LEMD3: variants seen among roughly 807,000 people sequenced by gnomAD.
LEMD3 encodes inner nuclear membrane protein Man1.
LEMD3 carries 33 observed loss-of-function variants against 95.2 expected under a neutral mutation model. The observed-to-expected ratio is 0.35, with a 90% CI of 0.26 to 0.46. The LOEUF (loss-of-function observed/expected upper bound fraction) is 0.46. Among genes scored for constraint, LEMD3 ranks in the 20% least tolerant of loss-of-function variants. The pLI is 1.00. For synonymous variants in LEMD3, 525 were observed against 474.6 expected (o/e 1.11, Z -1.38); for missense variants, 1,210 against 1,192.8 (o/e 1.01, Z -0.21).
At chr12:65,217,456 C>T (rs889955592) in intron 3 of LEMD3, among the ~76,000 whole-genome samples, 4 of 152,170 alleles carry the variant, frequency 2.6e-5, no homozygotes. Context: ...CTTTTTATAG[C>T]TACTGACATT....
chr12:65,179,625 G>A (rs993907272), intron 1 of LEMD3, among the ~76,000 whole-genome samples: 5 of 152,264 alleles, frequency 3.3e-5, no homozygotes, highest in Admixed American at 6.5e-5. Flanking sequence ...TATTCTAGGG[G>A]TGGGGAGAAT....
intron 4 of LEMD3, among the ~76,000 whole-genome samples, chr12:65,233,475 C>T (rs750524445): frequency 2.8e-4 from 43 of 152,180 alleles, no homozygotes; most frequent in Non-Finnish European, 5.3e-4. Flanking sequence ...GTTATTCTAG[C>T]AGGTGAAAGA....
At chr12:65,206,032 T>A (rs1869753611) in intron 1 of LEMD3, among the ~76,000 whole-genome samples, 1 of 152,174 alleles carries the variant, frequency 6.6e-6, no homozygotes, top group Admixed American at 6.6e-5. Context: ...ATGTCCTGCC[T>A]TGTTCACCCT....
chr12:65,205,165 C>T (rs1362677686), intron 1 of LEMD3, among the ~76,000 whole-genome samples: 1 of 152,142 alleles, frequency 6.6e-6, no homozygotes, highest in Non-Finnish European at 1.5e-5. Flanking sequence ...AACTCACTAT[C>T]ATGAGAACAG....
In LEMD3 at chr12:65,238,804, G is replaced by T. The variant is rs1870849425; in HGVS notation, c.1911G>T (p.Leu637Phe). 1 of 1,614,012 alleles carries T rather than the reference G, an allele frequency of 6.2e-7. No individual in the cohort carries two copies. Among genetic ancestry groups the T allele is most frequent in the South Asian group, 1.1e-5 (1 of 91,072 alleles). Residue 637 changes from leucine to phenylalanine, a missense_variant, in exon 6 of 13, where the codon TTG becomes TTT. By Grantham distance (22) the Leu-to-Phe change is conservative. This residue lies in a region of LEMD3 where 461 missense variants were observed against 569.8 expected (regional missense o/e 0.81). Transcript: ENST00000308330. The part of the protein sequence containing the change: ...AFVTVTHRLL[L>F]LCLGVVMVCV... ...TTACTGTAACTCACAGATTATTGTT[G>T]TTATGCTTAGGTAAGTTGTAAAGAT...
chr12:65,221,939 C>T (rs1395003102), intron 4 of LEMD3, among the ~76,000 whole-genome samples: 1 of 151,424 alleles, frequency 6.6e-6, no homozygotes, highest in Non-Finnish European at 1.5e-5. Flanking sequence ...GATGGGGTTT[C>T]ACCATGTTGG....
chr12:65,191,880 G>A (rs1359884945), intron 1 of LEMD3, among the ~76,000 whole-genome samples: 1 of 131,116 alleles, frequency 7.6e-6, no homozygotes, highest in Non-Finnish European at 1.5e-5. Context: ...AACCGAAATC[G>A]CACCATTGCA....
At chr12:65,198,864 G>A (rs1869511070) in intron 1 of LEMD3, among the ~76,000 whole-genome samples, 1 of 152,050 alleles carries the variant, frequency 6.6e-6, no homozygotes, top group East Asian at 1.9e-4. Flanking sequence ...TCTTTGATCT[G>A]AAGTTGGTTG....
intron 1 of LEMD3, among the ~76,000 whole-genome samples, chr12:65,184,718 T>TA (rs1178620069): frequency 6.6e-6 from 1 of 152,184 alleles, no homozygotes; most frequent in Admixed American, 6.5e-5. Context: ...GTATCTCATT[T>TA]AGTTTTAAGA....
At chr12:65,178,173 C>T (rs1451582902) in intron 1 of LEMD3, among the ~76,000 whole-genome samples, 1 of 151,162 alleles carries the variant, frequency 6.6e-6, no homozygotes, top group Admixed American at 6.6e-5. Flanking sequence ...AGAATGAAAG[C>T]TCCATGTTAT....
At chr12:65,209,424 T>G (rs1333080139) in intron 1 of LEMD3, among the ~76,000 whole-genome samples, 1 of 152,192 alleles carries the variant, frequency 6.6e-6, no homozygotes. Context: ...TTGTATTGTT[T>G]GGCTAATTTA....
In LEMD3 at chr12:65,210,883, C is replaced by T. The variant is rs201497488; in HGVS notation, c.1523-43C>T. 40 of 1,443,452 alleles carry T rather than the reference C, an allele frequency of 2.8e-5. No homozygotes were observed. The East Asian group carries it at 5.7e-4, about 20-fold the overall frequency. The allele number at this position is 1,443,452 out of a possible 1,614,324, so 89.4% of individuals were successfully genotyped here. A position where few individuals can be genotyped will look rare whatever the true frequency, so the allele number is the denominator to read the frequency against. On this transcript the variant is annotated intron_variant, in intron 1 of 12. Coordinates refer to ENST00000308330, the MANE Select transcript of LEMD3 (RefSeq NM_014319.5). ...AGAGTTTGTTTGGGGGATTTTAATT[C>T]GTAAGTGATGCTAATACTTGTCTTT...
rs148954003 is a variant in LEMD3 at position 65,206,141 on chromosome 12, C to T, written c.1523-4785C>T. Among the ~76,000 whole-genome samples the T allele has an allele frequency of 4.3e-3, 657 of 152,272 alleles. 2 individuals carry two copies. Among genetic ancestry groups the T allele is most frequent in the African/African-American group, 0.015 (605 of 41,558 alleles). ...TGTTGGAAACATTCCCCCTCACCCACAACCCCTTTGCTTTCTTCACATAAA... is the reference window on the plus strand; with the variant it reads ...TGTTGGAAACATTCCCCCTCACCCATAACCCCTTTGCTTTCTTCACATAAA... On this transcript the variant is annotated intron_variant, in intron 1 of 12. Coordinates refer to ENST00000308330, the MANE Select transcript of LEMD3 (RefSeq NM_014319.5).
chr12:65,235,599 A>G (rs1427021663), intron 4 of LEMD3, among the ~76,000 whole-genome samples: 2 of 152,156 alleles, frequency 1.3e-5, no homozygotes, highest in South Asian at 2.1e-4. Flanking sequence ...ATTAGGTGTT[A>G]TAAGTAATCT....
chr12:65,230,521 T>C (rs1870589865), intron 4 of LEMD3, among the ~76,000 whole-genome samples: 1 of 152,188 alleles, frequency 6.6e-6, no homozygotes, highest in African/African-American at 2.4e-5. Context: ...TTTATTTTTG[T>C]AGCTATTGTA....
In LEMD3 at chr12:65,190,627, C is replaced by T. The variant is rs536065276; in HGVS notation, c.1522+19509C>T. ...GAACCAGTGTAAATCTTACATGTTT[C>T]GATTGATGTATTATGTCTCCCTAAA... On this transcript the variant is annotated intron_variant, in intron 1 of 12. Coordinates refer to ENST00000308330, the MANE Select transcript of LEMD3 (RefSeq NM_014319.5). Among the ~76,000 whole-genome samples the T allele has an allele frequency of 1.7e-4, 26 of 152,250 alleles. No individual in the cohort carries two copies. In the South Asian group the frequency reaches 3.5e-3, roughly 21 times the overall value.
rs775032993 is a variant in LEMD3 at position 65,210,905 on chromosome 12, CT to C, written c.1523-14del. 1.3e-6 allele frequency: 2 copies of C among 1,569,002 alleles called. No individual in the cohort carries two copies. The highest frequency in any genetic ancestry group is 1.8e-6 in the Non-Finnish European group (2 of 1,138,674). ...ATTCGTAAGTGATGCTAATACTTGT[CT>C]TTTTTTCCTTCCTTGATAGTAGAAA... On this transcript the variant is annotated intron_variant, in intron 1 of 12. Coordinates refer to ENST00000308330, the MANE Select transcript of LEMD3 (RefSeq NM_014319.5).
chr12:65,192,938 T>C (rs940926865), intron 1 of LEMD3, among the ~76,000 whole-genome samples: 11 of 152,252 alleles, frequency 7.2e-5, no homozygotes, highest in African/African-American at 2.4e-4. Flanking sequence ...GTTATTTCCT[T>C]GTTAGCTATT....
chr12:65,186,567 A>G (rs918072775), intron 1 of LEMD3, among the ~76,000 whole-genome samples: 4 of 151,620 alleles, frequency 2.6e-5, no homozygotes, highest in Non-Finnish European at 4.4e-5. Flanking sequence ...TTTTGGGCAG[A>G]ATATCAGTCC....
Sources: gnomAD v4.1 joint callset for allele counts (sites outside exome capture counted in the v4.1 genomes callset) on GRCh38, gnomAD v4.1.1 for gene constraint, gnomAD v4.1.1 regional missense constraint, MANE v1.5 for transcripts, NCBI Gene and HGNC (gene_info 2026-07-23, HGNC 2026-07-21) for gene names.